The following ZNF831 variants were observed in gnomAD, a reference collection of about 807,000 sequenced individuals.
ZNF831 encodes chromosome 20 open reading frame 174.
Under a neutral mutation model 95.8 loss-of-function variants are expected in ZNF831, and 59 were observed. That is an observed-to-expected ratio of 0.62 (90% CI 0.50 to 0.77). ZNF831 has a LOEUF of 0.77. ZNF831 is among the 30% of genes least tolerant of loss of function. The pLI is 0.00. For synonymous variants in ZNF831, 961 were observed against 925.5 expected, an observed-to-expected ratio of 1.04 and a Z score of -0.70; for missense variants, 2,205 against 2,164.0, an observed-to-expected ratio of 1.02 and a Z score of -0.38.
At chr20:59,162,765 T>C (rs764342810), upstream of ZNF831, among the ~76,000 whole-genome samples, 2 of 152,240 alleles carry the variant, frequency 1.3e-5, no homozygotes, top group African/African-American at 2.4e-5. Context: ...AGGATTGCTT[T>C]GGCTATTCGG....
intron 4 of ZNF831, among the ~76,000 whole-genome samples, chr20:59,213,109 T>C (rs527459102): frequency 2.0e-4 from 30 of 152,254 alleles, no homozygotes; most frequent in African/African-American, 7.2e-4. Context: ...CTCTATAATA[T>C]TTTTTTGGGG....
intron 4 of ZNF831, 78 bp downstream of exon 4, chr20:59,207,134 G>A (rs148219893): frequency 1.3e-6 from 2 of 1,551,066 alleles, no homozygotes; most frequent in Non-Finnish European, 8.7e-7. Flanking sequence ...GGGGATTTGG[G>A]ATGGGCAGGA....
intron 4 of ZNF831, among the ~76,000 whole-genome samples, chr20:59,226,766 T>C (rs1600656402): frequency 6.6e-6 from 1 of 151,914 alleles, no homozygotes; most frequent in East Asian, 1.9e-4. Context: ...GTAGCATGCA[T>C]CTTTGATAAT....
chr20:59,177,399 C>A (rs1015972479), intron 1 of ZNF831, among the ~76,000 whole-genome samples: 1 of 152,144 alleles, frequency 6.6e-6, no homozygotes, highest in African/African-American at 2.4e-5. Context: ...TGTGTCATGC[C>A]GCAAACATGC....
At chr20:59,180,017 TAAAC>T (rs1251346142) in intron 1 of ZNF831, among the ~76,000 whole-genome samples, 1 of 152,180 alleles carries the variant, frequency 6.6e-6, no homozygotes, top group Non-Finnish European at 1.5e-5. Context: ...CGTGAAATAT[TAAAC>T]AAAGAGTGAA....
chr20:59,134,968 G>GA (rs749000511), intron 1 of ZNF831, among the ~76,000 whole-genome samples: 2 of 151,640 alleles, frequency 1.3e-5, no homozygotes, highest in African/African-American at 4.8e-5. Context: ...CTCCAAGATG[G>GA]AAAAAAAACC....
intron 1 of ZNF831, among the ~76,000 whole-genome samples, chr20:59,143,023 C>T (rs1326838076): frequency 1.3e-5 from 2 of 152,164 alleles, no homozygotes; most frequent in Admixed American, 1.3e-4. Flanking sequence ...CCACAGCCTC[C>T]AGAGTAGCTG....
At position 59,169,391 on chromosome 20, in the gene ZNF831, T is replaced by C. The variant is rs1448282960; in HGVS notation, c.-37+5184T>C. Among the ~76,000 whole-genome samples, 1 of 152,224 alleles carries C rather than the reference T, an allele frequency of 6.6e-6. No homozygotes were observed. Among genetic ancestry groups the C allele is most frequent in the African/African-American group, 2.4e-5 (1 of 41,464 alleles). ...ATTTTAATGTCTGCAGGGTCTGTAG[T>C]GATAGCCCATTTTCCTTCCTGACAT... On this transcript the variant is annotated intron_variant, in intron 1 of 5. Transcript: ENST00000371030. The surrounding 1 kb of genome is among the most constrained non-coding windows in gnomAD (Gnocchi z 4.1).
At chr20:59,129,899 T>G (rs985281616) in intron 1 of ZNF831, among the ~76,000 whole-genome samples, 2 of 152,234 alleles carry the variant, frequency 1.3e-5, no homozygotes, top group East Asian at 3.8e-4. Context: ...TAGAACTCCA[T>G]GGGGGGCTTA....
chr20:59,229,168 A>G (rs541751918), intron 4 of ZNF831, among the ~76,000 whole-genome samples: 1 of 152,348 alleles, frequency 6.6e-6, no homozygotes, highest in South Asian at 2.1e-4. Flanking sequence ...ATAATATTCC[A>G]TTGTGTATAC....
chr20:59,182,140 G>GATGGC (rs1568743732), intron 1 of ZNF831, among the ~76,000 whole-genome samples: 1 of 152,110 alleles, frequency 6.6e-6, no homozygotes. Context: ...TCCCTGCTGC[G>GATGGC]TGGATTAGAT....
chr20:59,228,812 G>A (rs1193668689), intron 4 of ZNF831, among the ~76,000 whole-genome samples: 1 of 152,182 alleles, frequency 6.6e-6, no homozygotes, highest in Non-Finnish European at 1.5e-5. Context: ...TTTTCTTTGT[G>A]TTGGGAACAT....
intron 4 of ZNF831, among the ~76,000 whole-genome samples, chr20:59,219,297 C>T (rs536491801): frequency 1.1e-4 from 17 of 152,210 alleles, no homozygotes; most frequent in East Asian, 3.9e-4. Flanking sequence ...ATGAGAGTCA[C>T]GTGGCCTGAG....
chr20:59,185,801 C>G (rs768887424), intron 1 of ZNF831, among the ~76,000 whole-genome samples: 1 of 152,194 alleles, frequency 6.6e-6, no homozygotes, highest in Non-Finnish European at 1.5e-5. Context: ...GTGACCTCCC[C>G]ACCCATGACC....
At position 59,233,961 on chromosome 20, in the gene ZNF831, A is replaced by G. The variant is rs534958423; in HGVS notation, c.4028-19017A>G. Among the ~76,000 whole-genome samples the G allele has an allele frequency of 2.0e-5, 3 of 152,336 alleles. No individual in the cohort carries two copies. The South Asian group carries it at 6.2e-4, about 32-fold the overall frequency. On this transcript the variant is annotated intron_variant, in intron 4 of 5. Transcript: ENST00000371030. ...AGGAATAGAAGAGAAAACAACCCCG[A>G]TGGGCCATCCTCTCCTGTCTGCTTC...
At chr20:59,246,071 G>A (rs969628024) in intron 4 of ZNF831, among the ~76,000 whole-genome samples, 3 of 152,036 alleles carry the variant, frequency 2.0e-5, no homozygotes, top group African/African-American at 7.2e-5. Flanking sequence ...TTCATCACGG[G>A]CCTGGGCCAG....
chr20:59,175,660 A>G (rs1461565091), intron 1 of ZNF831, among the ~76,000 whole-genome samples: 1 of 151,988 alleles, frequency 6.6e-6, no homozygotes, highest in East Asian at 1.9e-4. Flanking sequence ...TGTTTCAAGC[A>G]TATTTGTAAG....
intron 3 of ZNF831, among the ~76,000 whole-genome samples, chr20:59,203,006 T>C (rs1194859949): frequency 6.6e-6 from 1 of 152,236 alleles, no homozygotes; most frequent in Non-Finnish European, 1.5e-5. Context: ...CACTGTGCTG[T>C]TGGAAATGGA....
At chr20:59,160,581 C>T (rs1287014225), upstream of ZNF831, 2 of 152,366 alleles carry the variant, frequency 1.3e-5, no homozygotes, top group Non-Finnish European at 2.9e-5. Context: ...CCTGGGGCTT[C>T]CTGCCACGTG....
Sources: gnomAD v4.1 joint callset for allele counts (sites outside exome capture counted in the v4.1 genomes callset) on GRCh38, gnomAD v4.1.1 for gene constraint, Gnocchi (gnomAD v3.1) non-coding constraint, MANE v1.5 for transcripts, NCBI Gene and HGNC (gene_info 2026-07-23, HGNC 2026-07-21) for gene names.